The following PPARG variants were observed in gnomAD, a reference collection of about 807,000 sequenced individuals.
PPARG encodes peroxisome proliferator-activated receptor gamma.
Under a neutral mutation model 39.2 loss-of-function variants are expected in PPARG, and 17 were observed. The ratio of observed to expected loss-of-function variants is 0.43; its 90% CI spans 0.30 to 0.65. The LOEUF (loss-of-function observed/expected upper bound fraction) is 0.65. Among genes scored for constraint, PPARG ranks in the 30% least tolerant of loss-of-function variants. PPARG has a pLI of 0.13. For missense variants in PPARG, 406 were observed against 585.9 expected (o/e 0.69, Z 3.17); for synonymous variants, 223 against 215.7 (o/e 1.03, Z -0.30).
At chr3:12,388,286 G>GT (rs2049953158) in intron 4 of PPARG, among the ~76,000 whole-genome samples, 1 of 152,152 alleles carries the variant, frequency 6.6e-6, no homozygotes, top group African/African-American at 2.4e-5. Context: ...ACAAGAGGTA[G>GT]TGAAAACTCT....
At chr3:12,299,947 T>C (rs2046886335) in intron 1 of PPARG, among the ~76,000 whole-genome samples, 1 of 152,224 alleles carries the variant, frequency 6.6e-6, no homozygotes, top group African/African-American at 2.4e-5. Flanking sequence ...TATAGCTATT[T>C]TCAATGTCTG....
Position 12,302,050 on chromosome 3 carries a change from C to T in PPARG, c.-82-10330C>T, listed in dbSNP as rs74833298. On this transcript the variant is annotated intron_variant, in intron 1 of 7. Transcript: ENST00000651735. ...GTGTTGAAACAGGTAACTAACAATT[C>T]ACAGCAGTATGTGATTAAGGGCTAA... is the stretch of plus-strand genomic sequence containing the variant. Among the ~76,000 whole-genome samples the T allele has an allele frequency of 3.3e-5, 5 of 152,208 alleles. No individual in the cohort carries two copies. In the South Asian group the frequency reaches 1.0e-3, roughly 32 times the overall value.
chr3:12,328,262 A>G, intron 2 of PPARG: 2 of 1,510,078 alleles, frequency 1.3e-6, no homozygotes, highest in South Asian at 1.2e-5. Context: ...TGCTGATGGC[A>G]CGAAGGGCCC....
intron 4 of PPARG, among the ~76,000 whole-genome samples, chr3:12,385,217 T>C (rs1051575857): frequency 2.0e-5 from 3 of 152,226 alleles, no homozygotes; most frequent in African/African-American, 7.2e-5. Flanking sequence ...ATGTGGGTTA[T>C]ATTCATAATT....
intron 5 of PPARG, among the ~76,000 whole-genome samples, chr3:12,398,612 C>G (rs2050351220): frequency 6.6e-6 from 1 of 152,082 alleles, no homozygotes. Flanking sequence ...AGAATACAAG[C>G]TAAGGGAGAG....
intron 4 of PPARG, among the ~76,000 whole-genome samples, chr3:12,391,023 C>A (rs1219442605): frequency 2.0e-5 from 3 of 152,120 alleles, no homozygotes; most frequent in African/African-American, 7.2e-5. Context: ...AAACCTATCG[C>A]CTTTGTAACA....
At chr3:12,322,026 T>C (rs1415323954) in intron 2 of PPARG, among the ~76,000 whole-genome samples, 1 of 152,244 alleles carries the variant, frequency 6.6e-6, no homozygotes, top group Admixed American at 6.5e-5. Flanking sequence ...CAACATGCGA[T>C]GCAAAGCATG....
rs1239170888 is a variant in PPARG at position 12,358,838 on chromosome 3, A to T, written c.-8-20866A>T. Reference sequence around the variant, plus strand: ...CTCAATTTTCAGGTATATGCCATATACAAAATCTCATCACCTTTGCTATTA... The same window carrying T: ...CTCAATTTTCAGGTATATGCCATATTCAAAATCTCATCACCTTTGCTATTA... On this transcript the variant is annotated intron_variant, in intron 2 of 7. Transcript: ENST00000651735. Among the ~76,000 whole-genome samples, 11 of 152,228 alleles carry T rather than the reference A, an allele frequency of 7.2e-5. 1 individual carries two copies. Among genetic ancestry groups the T allele is most frequent in the Admixed American group, 6.5e-5 (1 of 15,284 alleles).
chr3:12,363,587 A>G (rs2048923175), intron 2 of PPARG, among the ~76,000 whole-genome samples: 1 of 152,200 alleles, frequency 6.6e-6, no homozygotes, highest in Non-Finnish European at 1.5e-5. Context: ...GTAAAGTATG[A>G]TTTAAAACCC....
At chr3:12,376,453 C>A (rs770262375) in intron 2 of PPARG, among the ~76,000 whole-genome samples, 1 of 152,100 alleles carries the variant, frequency 6.6e-6, no homozygotes, top group Non-Finnish European at 1.5e-5. Flanking sequence ...GAGGCCCATG[C>A]ACAGATACAC....
At chr3:12,314,799 ATTTATTAGGTCTTTTTTTGCT>A (rs1259749069) in intron 2 of PPARG, among the ~76,000 whole-genome samples, 1 of 152,144 alleles carries the variant, frequency 6.6e-6, no homozygotes, top group African/African-American at 2.4e-5. Context: ...GCCATTCTCA[ATTTATTAGGTCTTTTTTTGCT>A]TTTATTATTA....
intron 6 of PPARG, among the ~76,000 whole-genome samples, chr3:12,412,969 A>G (rs1455721490): frequency 2.6e-5 from 4 of 152,186 alleles, no homozygotes; most frequent in Non-Finnish European, 5.9e-5. Flanking sequence ...TTTGAGAATG[A>G]TACGGCTCCT....
intron 2 of PPARG, among the ~76,000 whole-genome samples, chr3:12,375,880 T>TACCTAATTA (rs2049388442): frequency 6.6e-6 from 1 of 152,142 alleles, no homozygotes; most frequent in Non-Finnish European, 1.5e-5. Context: ...ACCCATACGG[T>TACCTAATTA]ACCTAATTAG....
At chr3:12,309,573 C>A (rs937917225) in intron 1 of PPARG, among the ~76,000 whole-genome samples, 5 of 151,990 alleles carry the variant, frequency 3.3e-5, no homozygotes, top group African/African-American at 1.2e-4. Flanking sequence ...ATATTTTTTC[C>A]TACTGAGAAA....
intron 7 of PPARG, among the ~76,000 whole-genome samples, chr3:12,423,705 C>T (rs968491597): frequency 2.6e-5 from 4 of 152,210 alleles, no homozygotes; most frequent in Admixed American, 6.5e-5. Context: ...ACAATCAGCC[C>T]GCTTTCTCCC....
intron 2 of PPARG, among the ~76,000 whole-genome samples, chr3:12,323,047 C>T (rs1028637923): frequency 2.6e-5 from 4 of 152,084 alleles, no homozygotes; most frequent in African/African-American, 7.2e-5. Flanking sequence ...CTCAAGCCAT[C>T]CTCCCACCTC....
chr3:12,372,104 CT>C, intron 2 of PPARG: 1 of 721,554 alleles, frequency 1.4e-6, no homozygotes, highest in Admixed American at 2.0e-5. Flanking sequence ...CTATGAAAGG[CT>C]TTTCAGGCAC....
At chr3:12,425,878 T>C (rs767077738) in intron 7 of PPARG, among the ~76,000 whole-genome samples, 31 of 152,050 alleles carry the variant, frequency 2.0e-4, no homozygotes, top group Non-Finnish European at 3.8e-4. Context: ...CGGACAGAAA[T>C]CTCGGGTTCC....
intron 4 of PPARG, among the ~76,000 whole-genome samples, chr3:12,383,912 G>A (rs1464596396): frequency 1.3e-5 from 2 of 151,970 alleles, no homozygotes; most frequent in Non-Finnish European, 2.9e-5. Context: ...TAGAAAGCAG[G>A]GAGGGAGAAA....
Sources: gnomAD v4.1 joint callset for allele counts (sites outside exome capture counted in the v4.1 genomes callset) on GRCh38, gnomAD v4.1.1 for gene constraint, MANE v1.5 for transcripts, NCBI Gene and HGNC (gene_info 2026-07-23, HGNC 2026-07-21) for gene names.